Variants in UTRN observed in about 807,000 individuals in gnomAD.
UTRN encodes the protein dystrophin-related protein 1.
In UTRN, 283 loss-of-function variants were observed where a neutral mutation model predicts 463.9. The ratio of observed to expected loss-of-function variants is 0.61; its 90% CI spans 0.55 to 0.67. The LOEUF (loss-of-function observed/expected upper bound fraction) is 0.67. Among genes scored for constraint, UTRN ranks in the 30% least tolerant of loss-of-function variants. UTRN has a pLI of 0.00. For missense variants in UTRN, 3,922 were observed against 4,084.3 expected (o/e 0.96, Z 1.08); for synonymous variants, 1,442 against 1,431.5 (o/e 1.01, Z -0.17).
intron 58 of UTRN, among the ~76,000 whole-genome samples, chr6:144,758,530 G>A (rs530525758): frequency 6.6e-6 from 1 of 152,044 alleles, no homozygotes; most frequent in Non-Finnish European, 1.5e-5. Flanking sequence ...GAAGTTATCT[G>A]CATTATTAGC....
chr6:144,592,443 T>G (rs1237852871), intron 51 of UTRN, among the ~76,000 whole-genome samples: 1 of 152,156 alleles, frequency 6.6e-6, no homozygotes, highest in African/African-American at 2.4e-5. Flanking sequence ...TAATCTCAGC[T>G]CACTGCTACT....
chr6:144,318,088 A>T (rs1057122493), intron 2 of UTRN, among the ~76,000 whole-genome samples: 1 of 151,984 alleles, frequency 6.6e-6, no homozygotes, highest in African/African-American at 2.4e-5. Flanking sequence ...CCTGTGATAT[A>T]TACTGAAAAT....
chr6:144,522,865 A>C, intron 40 of UTRN, 151 bp from the exon 41 acceptor site: 1 of 689,158 alleles, frequency 1.5e-6, no homozygotes, highest in Non-Finnish European at 2.3e-6. Context: ...TATCATTTAA[A>C]AAAAAAAAGT....
intron 58 of UTRN, among the ~76,000 whole-genome samples, chr6:144,767,108 A>T (rs1270939441): frequency 6.6e-6 from 1 of 152,104 alleles, no homozygotes; most frequent in African/African-American, 2.4e-5. Context: ...GTTTGGGGAG[A>T]GAGATAGCAG....
At chr6:144,716,730 T>C (rs1257834125) in intron 53 of UTRN, among the ~76,000 whole-genome samples, 1 of 152,220 alleles carries the variant, frequency 6.6e-6, no homozygotes, top group Non-Finnish European at 1.5e-5. Context: ...TTTGCATATT[T>C]ACCTTTTGCA....
chr6:144,439,757 G>A (rs1363887226), intron 12 of UTRN, among the ~76,000 whole-genome samples: 1 of 152,052 alleles, frequency 6.6e-6, no homozygotes, highest in Non-Finnish European at 1.5e-5. Context: ...CCTGCCTTGG[G>A]TTCCCAAAGT....
intron 50 of UTRN, among the ~76,000 whole-genome samples, chr6:144,561,145 T>C (rs994889603): frequency 2.1e-5 from 3 of 145,888 alleles, no homozygotes; most frequent in Non-Finnish European, 4.5e-5. Flanking sequence ...GGATGCCTGA[T>C]TTGGGTCTAA....
intron 6 of UTRN, among the ~76,000 whole-genome samples, chr6:144,425,573 T>A (rs1785225042): frequency 6.6e-6 from 1 of 152,238 alleles, no homozygotes; most frequent in African/African-American, 2.4e-5. Context: ...GTGTTCTACT[T>A]GTAAAGAAGA....
At chr6:144,651,419 G>C (rs542355810) in intron 51 of UTRN, among the ~76,000 whole-genome samples, 1 of 152,270 alleles carries the variant, frequency 6.6e-6, no homozygotes, top group South Asian at 2.1e-4. Flanking sequence ...TCAAGGTTCA[G>C]ACAAGAGTTC....
chr6:144,760,312 A>T (rs1202246948), intron 58 of UTRN, among the ~76,000 whole-genome samples: 2 of 152,176 alleles, frequency 1.3e-5, no homozygotes, highest in Non-Finnish European at 2.9e-5. Flanking sequence ...TATTACCAGC[A>T]CTGGAAAATA....
intron 51 of UTRN, among the ~76,000 whole-genome samples, chr6:144,642,479 C>G (rs936897180): frequency 6.6e-6 from 1 of 152,102 alleles, no homozygotes; most frequent in Non-Finnish European, 1.5e-5. Context: ...TTTGTGCTTG[C>G]CTTCCCCTTG....
intron 72 of UTRN, among the ~76,000 whole-genome samples, chr6:144,839,798 T>C (rs1781405474): frequency 6.6e-6 from 1 of 152,208 alleles, no homozygotes; most frequent in South Asian, 2.1e-4. Context: ...CTGTCACTGA[T>C]GCTAGGAAGG....
intron 54 of UTRN, among the ~76,000 whole-genome samples, chr6:144,733,276 T>C (rs1788966070): frequency 6.6e-6 from 1 of 152,154 alleles, no homozygotes; most frequent in Non-Finnish European, 1.5e-5. Context: ...CCCAGGACTT[T>C]GGGAGGCCGA....
At position 144,498,413 on chromosome 6, in the gene UTRN, G is replaced by T. The variant is rs142689857; in HGVS notation, c.4594-844G>T. On this transcript the variant is annotated intron_variant, in intron 33 of 74. Transcript: ENST00000367545. ...TTGTTTTCTGTCAACAACAATGAGA[G>T]CAAAATAATAATAAGGTTTGGTTTG... is the stretch of plus-strand genomic sequence containing the variant. Among the ~76,000 whole-genome samples the T allele has an allele frequency of 3.3e-5, 5 of 152,310 alleles. No individual in the cohort carries two copies. In the East Asian group the frequency reaches 9.6e-4, roughly 29 times the overall value.
chr6:144,793,767 A>G (rs926787220), intron 62 of UTRN, 67 bp from the exon 63 acceptor site: 90 of 1,557,466 alleles, frequency 5.8e-5, no homozygotes, highest in Non-Finnish European at 7.6e-5. Context: ...CCACATTACC[A>G]AAGATATATT....
At position 144,429,632 on chromosome 6, in the gene UTRN, C is replaced by A; in HGVS notation, c.746C>A (p.Ser249Tyr). 6.2e-7 allele frequency: 1 copy of A among 1,612,488 alleles called. No individual in the cohort carries two copies. Among genetic ancestry groups the A allele is most frequent in the African/African-American group, 1.3e-5 (1 of 74,934 alleles). ...DKKSIIMYLT[S>Y]LFEVLPQQVT... ...AAATCCATAATTATGTATTTAACATCTTTGTTTGAGGTGCTACCTCAGCAA... is the reference window on the plus strand; with the variant it reads ...AAATCCATAATTATGTATTTAACATATTTGTTTGAGGTGCTACCTCAGCAA... Residue 249 changes from serine (S) to tyrosine (Y), a missense_variant, in exon 9 of 75, where the codon TCT becomes TAT. This residue lies in a region of UTRN where 264 missense variants were observed against 327.9 expected (regional missense o/e 0.81). Coordinates refer to ENST00000367545, the MANE Select transcript of UTRN (RefSeq NM_007124.3).
At chr6:144,664,869 TTAAG>T (rs1290584559) in intron 51 of UTRN, among the ~76,000 whole-genome samples, 1 of 151,456 alleles carries the variant, frequency 6.6e-6, no homozygotes, top group Non-Finnish European at 1.5e-5. Context: ...CTATTATTAT[TTAAG>T]TAATATATAT....
intron 47 of UTRN, 26 bp from the exon 48 acceptor site, chr6:144,550,939 T>C (rs1430173610): frequency 1.9e-6 from 3 of 1,558,922 alleles, no homozygotes; most frequent in Admixed American, 2.1e-5. Context: ...TATTAACCTA[T>C]CCGAATAATC....
chr6:144,448,525 G>T (rs78819787), intron 16 of UTRN, 75 bp from the exon 17 acceptor site: 54,430 of 1,517,688 alleles, frequency 0.036, 1,116 homozygotes, highest in Non-Finnish European at 0.042. Flanking sequence ...TTCAAAGAAA[G>T]AATTTTATAG....
Sources: allele counts gnomAD v4.1 joint callset (sites outside exome capture counted in the v4.1 genomes callset), GRCh38; gene constraint gnomAD v4.1.1; regional missense constraint gnomAD v4.1.1; transcripts MANE v1.5; gene names NCBI Gene and HGNC (gene_info 2026-07-23, HGNC 2026-07-21).